Variants in CCDC7 observed in about 807,000 individuals in gnomAD.
CCDC7 encodes the protein coiled-coil domain containing 7.
CCDC7 carries 183 observed loss-of-function variants against 196.9 expected under a neutral mutation model. The observed-to-expected ratio is 0.93, with a 90% CI of 0.82 to 1.05. CCDC7 has a LOEUF of 1.05. Ranked by LOEUF, CCDC7 falls within the 50% of genes least tolerant of loss-of-function variation. CCDC7 has a pLI of 0.00. For synonymous variants in CCDC7, 525 were observed against 484.6 expected (o/e 1.08, Z -1.10); for missense variants, 1,540 against 1,482.2 (o/e 1.04, Z -0.64).
At chr10:32,779,517 T>G (rs1208204535) in intron 29 of CCDC7, among the ~76,000 whole-genome samples, 6 of 152,202 alleles carry the variant, frequency 3.9e-5, no homozygotes, top group Non-Finnish European at 2.9e-5. Flanking sequence ...AAATTTGCAA[T>G]GTCAAATGGT....
Position 32,518,548 on chromosome 10 carries a change from A to C in CCDC7, c.993+43A>C, listed in dbSNP as rs533944494. On this transcript the variant is annotated intron_variant, in intron 11 of 41. Transcript: ENST00000639629. ...GTTTGAAAATGGCATACACCTAATAAGGCTTATTATGTTAGGATAGAAATC... is the reference window on the plus strand; with the variant it reads ...GTTTGAAAATGGCATACACCTAATACGGCTTATTATGTTAGGATAGAAATC... 9.4e-6 allele frequency: 14 copies of C among 1,492,820 alleles called. No homozygotes were observed. The African/African-American group carries it at 2.0e-4, about 21-fold the overall frequency. The allele number at this position is 1,492,820 out of a possible 1,614,324, so 92.5% of individuals were successfully genotyped here.
At position 32,567,665 on chromosome 10, in the gene CCDC7, A is replaced by G. The variant is rs1274561346; in HGVS notation, c.1198-5A>G. The G allele has an allele frequency of 6.2e-7, 1 of 1,601,546 alleles. No individual in the cohort carries two copies. Among genetic ancestry groups the G allele is most frequent in the Admixed American group, 1.7e-5 (1 of 57,276 alleles). On this transcript the variant is annotated splice_region_variant and splice_polypyrimidine_tract_variant and intron_variant, in intron 14 of 41. Transcript: ENST00000639629. ...CTTAATAAACTGGTACTTTTTTAAA[A>G]ACAGGAAGCTGAAAAAGCTAAGCAT...
At chr10:32,874,301 C>T (rs542511887) in intron 41 of CCDC7, among the ~76,000 whole-genome samples, 191 of 151,496 alleles carry the variant, frequency 1.3e-3, no homozygotes, top group African/African-American at 4.2e-3. Flanking sequence ...ACTTCAATAG[C>T]TTTGTGGGGG....
chr10:32,551,124 T>C (rs1313637953), intron 13 of CCDC7, among the ~76,000 whole-genome samples: 2 of 152,146 alleles, frequency 1.3e-5, no homozygotes, highest in African/African-American at 2.4e-5. Flanking sequence ...TGATTTAAGC[T>C]AGGAGGGTTG....
intron 20 of CCDC7, among the ~76,000 whole-genome samples, chr10:32,661,102 C>G (rs576510923): frequency 1.3e-5 from 2 of 150,898 alleles, no homozygotes; most frequent in Non-Finnish European, 1.5e-5. Flanking sequence ...TATCCAGAAT[C>G]TACAATGAAC....
At chr10:32,861,673 T>C (rs539833448) in intron 41 of CCDC7, among the ~76,000 whole-genome samples, 17 of 152,246 alleles carry the variant, frequency 1.1e-4, no homozygotes, top group African/African-American at 4.1e-4. Flanking sequence ...TCTATCCATC[T>C]GACAAAGGGC....
At chr10:32,539,172 A>G (rs1427797587) in intron 11 of CCDC7, among the ~76,000 whole-genome samples, 1 of 152,092 alleles carries the variant, frequency 6.6e-6, no homozygotes, top group Non-Finnish European at 1.5e-5. Flanking sequence ...TTTGTTACTA[A>G]TTCAATTTTG....
chr10:32,842,548 A>G (rs2136117802), intron 33 of CCDC7, among the ~76,000 whole-genome samples: 1 of 152,176 alleles, frequency 6.6e-6, no homozygotes, highest in East Asian at 1.9e-4. Context: ...GTCCTTAAAG[A>G]ACTAAAAGTA....
At chr10:32,818,360 G>A (rs1227794217) in intron 31 of CCDC7, among the ~76,000 whole-genome samples, 1 of 151,980 alleles carries the variant, frequency 6.6e-6, no homozygotes, top group African/African-American at 2.4e-5. Flanking sequence ...GACCTAGAAA[G>A]AGACTTAGAC....
chr10:32,847,070 C>A (rs1052349839), intron 37 of CCDC7, among the ~76,000 whole-genome samples: 1 of 152,102 alleles, frequency 6.6e-6, no homozygotes, highest in Non-Finnish European at 1.5e-5. Context: ...GAGACACATT[C>A]GAAGCCGGCC....
intron 13 of CCDC7, among the ~76,000 whole-genome samples, chr10:32,560,315 C>T (rs1278627232): frequency 6.6e-6 from 1 of 152,152 alleles, no homozygotes; most frequent in Non-Finnish European, 1.5e-5. Flanking sequence ...TCAGGAAATA[C>T]AGAGAACGCC....
intron 24 of CCDC7, among the ~76,000 whole-genome samples, chr10:32,696,229 TGAA>T (rs940964501): frequency 1.3e-4 from 20 of 152,102 alleles, no homozygotes; most frequent in African/African-American, 4.6e-4. Context: ...TGTAGTGGCT[TGAA>T]GAGACCTACC....
At chr10:32,714,159 A>G (rs1026200570) in intron 25 of CCDC7, among the ~76,000 whole-genome samples, 2 of 152,166 alleles carry the variant, frequency 1.3e-5, no homozygotes, top group African/African-American at 2.4e-5. Context: ...AGTGATACCA[A>G]TGCAGAAGGT....
chr10:32,571,867 C>G, exon 16 of CCDC7: 1 of 1,568,358 alleles, frequency 6.4e-7, no homozygotes, highest in South Asian at 1.2e-5. Flanking sequence ...AGATCACTGC[C>G]CAAAGCGGAA....
intron 33 of CCDC7, among the ~76,000 whole-genome samples, chr10:32,842,650 T>C (rs11594996): frequency 0.083 from 12,617 of 152,138 alleles, 571 homozygotes; most frequent in East Asian, 0.16. Flanking sequence ...CACATATGTT[T>C]ATAGCAGTAC....
chr10:32,515,302 A>G (rs2046846658), intron 9 of CCDC7, among the ~76,000 whole-genome samples: 1 of 152,220 alleles, frequency 6.6e-6, no homozygotes, highest in African/African-American at 2.4e-5. Context: ...GAAGACTCAT[A>G]CTTAACTGAT....
At chr10:32,547,046 T>C (rs2052591145) in intron 13 of CCDC7, among the ~76,000 whole-genome samples, 1 of 151,972 alleles carries the variant, frequency 6.6e-6, no homozygotes, top group South Asian at 2.1e-4. Context: ...TTCTACAGGG[T>C]CTCACTCTGT....
rs1017706899 is a variant in CCDC7, at chr10:32,746,020, G to A, written c.2905+16563G>A. 2.1e-4 allele frequency among the ~76,000 whole-genome samples: 32 copies of A among 152,066 alleles called. 1 individual carries two copies. The highest frequency in any genetic ancestry group is 2.1e-3 in the Admixed American group (32 of 15,266). On this transcript the variant is annotated intron_variant, in intron 28 of 41. Transcript: ENST00000639629. The stretch of plus-strand genomic sequence containing the variant: ...TTTCAAATTCCACTTGTTCATTGTT[G>A]GCATAAAGGAAAACAATTGACTTTT...
At chr10:32,806,713 G>A (rs1457646740) in intron 30 of CCDC7, among the ~76,000 whole-genome samples, 2 of 151,940 alleles carry the variant, frequency 1.3e-5, no homozygotes, top group Non-Finnish European at 2.9e-5. Flanking sequence ...GAAAGGAGCA[G>A]AAAAAATATG....
Sources: gnomAD v4.1 joint callset for allele counts (sites outside exome capture counted in the v4.1 genomes callset) on GRCh38, gnomAD v4.1.1 for gene constraint, MANE v1.5 for transcripts, NCBI Gene and HGNC (gene_info 2026-07-23, HGNC 2026-07-21) for gene names.